Variants in GALNT13 observed in about 807,000 individuals in gnomAD.
GALNT13 encodes the protein polypeptide N-acetylgalactosaminyltransferase 13, also known as UDP-GalNAc:polypeptide N-acetylgalactosaminyltransferase 13.
In GALNT13, 28 loss-of-function variants were observed where a neutral mutation model predicts 64.2. The ratio of observed to expected loss-of-function variants is 0.44; its 90% CI spans 0.32 to 0.60. The LOEUF is 0.60. Among genes scored for constraint, GALNT13 ranks in the 20% least tolerant of loss-of-function variants. The pLI is 0.05. For synonymous variants in GALNT13, 214 were observed against 224.6 expected (o/e 0.95, Z 0.42); for missense variants, 577 against 669.8 (o/e 0.86, Z 1.53).
the GALNT13 span, among the ~76,000 whole-genome samples, chr2:153,715,050 C>T: frequency 4.0e-5 from 6 of 150,334 alleles, no homozygotes; most frequent in East Asian, 1.9e-4. Flanking sequence ...GTCATTCCAT[C>T]GCACCATGGC....
At chr2:153,404,974 T>C in the GALNT13 span, among the ~76,000 whole-genome samples, 1 of 152,152 alleles carries the variant, frequency 6.6e-6, no homozygotes, top group African/African-American at 2.4e-5. Flanking sequence ...GTGGGACAGG[T>C]GTCACATTTC....
At chr2:154,313,978 T>A (rs1694196673) in intron 9 of GALNT13, among the ~76,000 whole-genome samples, 1 of 152,132 alleles carries the variant, frequency 6.6e-6, no homozygotes, top group African/African-American at 2.4e-5. Flanking sequence ...ACCCTAAACC[T>A]GCTGAATTAG....
chr2:154,094,188 G>T (rs1701961980), intron 3 of GALNT13, among the ~76,000 whole-genome samples: 1 of 151,916 alleles, frequency 6.6e-6, no homozygotes, highest in Admixed American at 6.6e-5. Flanking sequence ...AAGCCAACTG[G>T]ACAAGGTCCT....
the GALNT13 span, among the ~76,000 whole-genome samples, chr2:153,630,808 T>TATATTTA: frequency 1.1e-3 from 19 of 16,978 alleles, no homozygotes; most frequent in African/African-American, 2.7e-3. Context: ...TATATATATA[T>TATATTTA]TTTTTTTTTT....
chr2:154,454,101 C>T (rs937143959), downstream of GALNT13, among the ~76,000 whole-genome samples: 6 of 152,116 alleles, frequency 3.9e-5, no homozygotes, highest in African/African-American at 1.2e-4. Context: ...TATGTATTTT[C>T]ATGATTTCTT....
At chr2:153,191,454 T>C in the GALNT13 span, among the ~76,000 whole-genome samples, 1 of 152,140 alleles carries the variant, frequency 6.6e-6, no homozygotes, top group Admixed American at 6.5e-5. Context: ...TGATGTACTG[T>C]TGGATTCAGT....
At chr2:153,583,657 G>C in the GALNT13 span, among the ~76,000 whole-genome samples, 1 of 152,150 alleles carries the variant, frequency 6.6e-6, no homozygotes, top group Non-Finnish European at 1.5e-5. Flanking sequence ...CTTAGGGAGT[G>C]ACTATGAGAC....
the GALNT13 span, among the ~76,000 whole-genome samples, chr2:153,316,639 C>CAAAAAAAAAAAAAAAAA: frequency 0.013 from 920 of 69,600 alleles, 64 homozygotes; most frequent in African/African-American, 0.016. Context: ...GACTCCGTCT[C>CAAAAAAAAAAAAAAAAA]AAAAAAAAAA....
the GALNT13 span, among the ~76,000 whole-genome samples, chr2:153,784,071 C>T: frequency 1.3e-5 from 2 of 152,042 alleles, no homozygotes; most frequent in African/African-American, 2.4e-5. Context: ...TTTAACAGTT[C>T]AGAGGGCTTA....
chr2:154,092,274 G>A (rs766828374), intron 3 of GALNT13, among the ~76,000 whole-genome samples: 6 of 151,820 alleles, frequency 4.0e-5, no homozygotes, highest in Non-Finnish European at 7.4e-5. Context: ...ATTGCTGTAC[G>A]TTGCTGTCTT....
intron 3 of GALNT13, among the ~76,000 whole-genome samples, chr2:154,134,936 A>T (rs1007400492): frequency 6.6e-6 from 1 of 152,206 alleles, no homozygotes; most frequent in African/African-American, 2.4e-5. Flanking sequence ...CAGTGAGCTG[A>T]GATCGCACCA....
chr2:153,757,928 A>G, the GALNT13 span, among the ~76,000 whole-genome samples: 1 of 152,166 alleles, frequency 6.6e-6, no homozygotes, highest in Non-Finnish European at 1.5e-5. Context: ...CTCTCAATTC[A>G]TAGGCTGCAT....
the GALNT13 span, among the ~76,000 whole-genome samples, chr2:153,075,063 G>A: frequency 2.6e-5 from 4 of 152,244 alleles, no homozygotes; most frequent in South Asian, 8.3e-4. Context: ...AATATTTTGG[G>A]CAAAGAGAAC....
intron 8 of GALNT13, among the ~76,000 whole-genome samples, chr2:154,295,353 T>TTTA (rs1692860050): frequency 6.8e-6 from 1 of 147,882 alleles, no homozygotes; most frequent in Non-Finnish European, 1.5e-5. Context: ...TTTTATTTTA[T>TTTA]TTATTTATTT....
chr2:153,636,227 C>T, the GALNT13 span, among the ~76,000 whole-genome samples: 1 of 152,082 alleles, frequency 6.6e-6, no homozygotes, highest in East Asian at 1.9e-4. Context: ...ATAGTTTAAA[C>T]TAAGACAAGC....
At chr2:153,197,483 G>C in the GALNT13 span, among the ~76,000 whole-genome samples, 1 of 152,224 alleles carries the variant, frequency 6.6e-6, no homozygotes, top group Non-Finnish European at 1.5e-5. Flanking sequence ...AGGTGTGTGT[G>C]CCTCTGGCAA....
At chr2:153,154,794 T>A in the GALNT13 span, among the ~76,000 whole-genome samples, 1 of 151,964 alleles carries the variant, frequency 6.6e-6, no homozygotes, top group Non-Finnish European at 1.5e-5. Context: ...AGAGAGGGCA[T>A]CCTTGTGCCA....
chr2:153,817,962 A>G, the GALNT13 span, among the ~76,000 whole-genome samples: 4 of 152,192 alleles, frequency 2.6e-5, no homozygotes, highest in Admixed American at 2.0e-4. Flanking sequence ...GAAAGGAAAC[A>G]AAGAGTTTGA....
chr2:153,901,638 GC>G (rs1688241681), intron 2 of GALNT13, among the ~76,000 whole-genome samples: 1 of 152,042 alleles, frequency 6.6e-6, no homozygotes, highest in Non-Finnish European at 1.5e-5. Context: ...ATATACCTCT[GC>G]CCTGATGAAG....
Sources: gnomAD v4.1 joint callset for allele counts (sites outside exome capture counted in the v4.1 genomes callset) on GRCh38, gnomAD v4.1.1 for gene constraint, MANE v1.5 for transcripts, NCBI Gene and HGNC (gene_info 2026-07-23, HGNC 2026-07-21) for gene names.